The following CRYGD variants were observed in gnomAD, a reference collection of about 807,000 sequenced individuals.
CRYGD encodes the protein gamma-crystallin D.
CRYGD carries 13 observed loss-of-function variants against 11.3 expected under a neutral mutation model. That is an observed-to-expected ratio of 1.15 (90% confidence interval 0.75 to 1.83). CRYGD has a LOEUF of 1.83. Ranked by LOEUF, CRYGD falls within the 40% of genes most tolerant of loss-of-function variation. CRYGD has a pLI of 0.00. For synonymous variants in CRYGD, 77 were observed against 89.5 expected (o/e 0.86, Z 0.79); for missense variants, 231 against 229.9 (o/e 1.00, Z -0.03).
At chr2:208,123,472 A>G (rs1694913312) in intron 2 of CRYGD, among the ~76,000 whole-genome samples, 1 of 149,274 alleles carries the variant, frequency 6.7e-6, no homozygotes, top group Non-Finnish European at 1.5e-5. Flanking sequence ...AAAATATATT[A>G]AAATATAAAA....
In CRYGD at chr2:208,121,914, C is replaced by T. The variant is rs761284053; in HGVS notation, c.284G>A (p.Arg95Lys). Residue 95 changes from arginine to lysine, a missense_variant, in exon 3 of 3, where the codon AGA becomes AAA. Transcript: ENST00000264376. ...SGSHRIRLYE[R>K]EDYRGQMIEF... is the part of the protein sequence containing the mutation. ...TATCATCTGGCCTCTGTAGTCCTCT[C>T]TCTCATAGAGTCTGATCCTGTGAGA... 13 of 1,614,044 alleles carry T rather than the reference C, an allele frequency of 8.1e-6. No individual in the cohort carries two copies. The highest frequency in any genetic ancestry group is 2.7e-5 in the African/African-American group (2 of 74,920).
chr2:208,122,092 CT>C (rs1694876046), intron 2 of CRYGD, 147 bp from the exon 3 acceptor site: 1 of 1,156,596 alleles, frequency 8.6e-7, no homozygotes, highest in African/African-American at 1.5e-5. Flanking sequence ...TTATAAACTC[CT>C]CATTACCGAG....
chr2:208,121,801 G>A lies in CRYGD; in HGVS notation c.397C>T (p.Leu133Phe). 6.2e-7 allele frequency: 1 copy of A among 1,614,188 alleles called. No homozygotes were observed. The highest frequency in any genetic ancestry group is 2.2e-5 in the East Asian group (1 of 44,886). The change falls in exon 3 of 3, where the codon CTC (leucine) becomes TTC (phenylalanine). Residue 133 changes from leucine to phenylalanine, a missense_variant. By Grantham distance (22) the Leu-to-Phe change is conservative (BLOSUM62 0). Coordinates refer to ENST00000264376, the MANE Select transcript of CRYGD (RefSeq NM_006891.4). The stretch of plus-strand genomic sequence containing the variant: ...CCTCGGTAGTTGGACAGCTCGTAGA[G>A]GACCCAGGAGCCCTCCAGCACGTTG... ...SLNVLEGSWV[L>F]YELSNYRGRQ...
rs1694933681 is a variant in CRYGD at position 208,124,254 on chromosome 2, C to A, written c.110G>T (p.Arg37Leu). Reference sequence around the variant, plus strand: ...GAGCATCCAGCAGCCGCTGTCCACGCGCGCCGAGTTGCAGCGGCTCAAGTA... The same window carrying A: ...GAGCATCCAGCAGCCGCTGTCCACGAGCGCCGAGTTGCAGCGGCTCAAGTA... ...QPYLSRCNSA[R>L]VDSGCWMLYE... is the part of the protein sequence containing the mutation. The change falls in exon 2 of 3, where the codon CGC becomes CTC. Residue 37 changes from arginine (R) to leucine (L), a missense_variant. Physicochemically the swap from Arg to Leu is moderately radical, Grantham distance 102. Coordinates refer to ENST00000264376, the MANE Select transcript of CRYGD (RefSeq NM_006891.4). The A allele has an allele frequency of 6.2e-7, 1 of 1,612,344 alleles. No individual in the cohort carries two copies. Among genetic ancestry groups the A allele is most frequent in the Non-Finnish European group, 8.5e-7 (1 of 1,179,560 alleles).
At chr2:208,122,597 T>A (rs942938427) in intron 2 of CRYGD, among the ~76,000 whole-genome samples, 1 of 150,318 alleles carries the variant, frequency 6.7e-6, no homozygotes, top group Non-Finnish European at 1.5e-5. Context: ...GGGCAGTGGC[T>A]CATGCCTGTA....
At chr2:208,124,412 TG>T in intron 1 of CRYGD, 52 bp downstream of exon 1, 2 of 1,600,174 alleles carry the variant, frequency 1.2e-6, no homozygotes, top group South Asian at 2.2e-5. Flanking sequence ...CCCCAGTCTC[TG>T]GCCCCCGCGA....
chr2:208,122,406 A>G lies in CRYGD; in HGVS notation c.253-461T>C, dbSNP rs867844457. On this transcript the variant is annotated intron_variant, in intron 2 of 2. Transcript: ENST00000264376. The stretch of plus-strand genomic sequence containing the variant: ...ATATACTATATTTAAAATATATTAT[A>G]AAATGTATAAAATTATATTTTATTT... 9.4e-4 allele frequency among the ~76,000 whole-genome samples: 139 copies of G among 147,890 alleles called. 2 individuals carry two copies. In the Middle Eastern group the frequency reaches 0.011, roughly 12 times the overall value.
At chr2:208,123,363 A>G (rs1694910627) in intron 2 of CRYGD, among the ~76,000 whole-genome samples, 1 of 147,392 alleles carries the variant, frequency 6.8e-6, no homozygotes, top group African/African-American at 2.5e-5. Context: ...TTAAATGATA[A>G]TGCATCATTT....
intron 2 of CRYGD, among the ~76,000 whole-genome samples, chr2:208,122,847 C>T (rs942986863): frequency 1.4e-5 from 2 of 147,812 alleles, no homozygotes; most frequent in Non-Finnish European, 1.5e-5. Flanking sequence ...AGCAAGACTT[C>T]GTCAAAAAAA....
intron 2 of CRYGD, among the ~76,000 whole-genome samples, chr2:208,122,584 G>A (rs1349974332): frequency 6.7e-6 from 1 of 149,582 alleles, no homozygotes; most frequent in Non-Finnish European, 1.5e-5. Context: ...AATATAAGGG[G>A]TGGGGCAGTG....
At chr2:208,122,091 C>T (rs1433482597) in intron 2 of CRYGD, 146 bp from the exon 3 acceptor site, 3 of 1,165,002 alleles carry the variant, frequency 2.6e-6, no homozygotes, top group Non-Finnish European at 3.7e-6. Flanking sequence ...TTTATAAACT[C>T]CTCATTACCG....
In CRYGD at chr2:208,121,934, G is replaced by C. The variant is rs75156162; in HGVS notation, c.264C>G (p.His88Gln). The change falls in exon 3 of 3, where the codon CAC (histidine) becomes CAG (glutamine). Residue 88 changes from histidine to glutamine, a missense_variant. Coordinates refer to ENST00000264376, the MANE Select transcript of CRYGD (RefSeq NM_006891.4). ...CCTCTCTCTCATAGAGTCTGATCCT[G>C]TGAGAGCCAGACTGGCGGACCCAGA... ...SCRLIPHSGS[H>Q]RIRLYEREDY... 9.4e-4 allele frequency: 1,522 copies of C among 1,614,162 alleles called. 1 individual carries two copies. The highest frequency in any genetic ancestry group is 1.2e-3 in the Non-Finnish European group (1,431 of 1,180,024).
Position 208,124,458 on chromosome 2 carries a change from G to A in CRYGD, c.9+7C>T. 6.3e-7 allele frequency: 1 copy of A among 1,577,808 alleles called. No homozygotes were observed. The highest frequency in any genetic ancestry group is 8.6e-7 in the Non-Finnish European group (1 of 1,162,820). ...CTCCGGGGTCCCGGGGCGCAGGCTG[G>A]GCTCACCTTCCCCATGGCTGGCTGG... On this transcript the variant is annotated splice_region_variant and intron_variant, in intron 1 of 2. Coordinates refer to ENST00000264376, the MANE Select transcript of CRYGD (RefSeq NM_006891.4).
At position 208,124,234 on chromosome 2, in the gene CRYGD, T is replaced by A. The variant is rs61731517; in HGVS notation, c.130A>T (p.Met44Leu). 6 of 1,611,176 alleles carry A rather than the reference T, an allele frequency of 3.7e-6. No individual in the cohort carries two copies. Among genetic ancestry groups the A allele is most frequent in the Middle Eastern group, 1.8e-4 (1 of 5,556 alleles). ...GAGTAGTTGGGCTGCTCATAGAGCA[T>A]CCAGCAGCCGCTGTCCACGCGCGCC... The part of the protein sequence containing the change: ...NSARVDSGCW[M>L]LYEQPNYSGL... The change falls in exon 2 of 3, where the codon ATG becomes TTG. Residue 44 changes from methionine to leucine, a missense_variant. Met to Leu is a conservative substitution (Grantham distance 15). Coordinates refer to ENST00000264376, the MANE Select transcript of CRYGD (RefSeq NM_006891.4).
Position 208,124,297 on chromosome 2 carries a change from G to A in CRYGD, c.67C>T (p.His23Tyr). ...CTCAAGTAGGGCTGCAGGTTGGGGT[G>A]GTCGCTGCTGCATTCATAGTGGCGG... Reference protein sequence around the residue: ...QGRHYECSSDHPNLQPYLSRC... With the variant: ...QGRHYECSSDYPNLQPYLSRC... The change falls in exon 2 of 3, where the codon CAC becomes TAC. Residue 23 changes from histidine (H) to tyrosine (Y), a missense_variant. His to Tyr is a moderately conservative substitution (Grantham distance 83). Transcript: ENST00000264376. 1 of 1,610,910 alleles carries A rather than the reference G, an allele frequency of 6.2e-7. No homozygotes were observed. Among genetic ancestry groups the A allele is most frequent in the Non-Finnish European group, 8.5e-7 (1 of 1,178,910 alleles).
Position 208,121,691 on chromosome 2 carries a change from T to C in CRYGD, c.507A>G (p.Arg169=). 6.2e-7 allele frequency: 1 copy of C among 1,613,462 alleles called. No homozygotes were observed. Among genetic ancestry groups the C allele is most frequent in the Non-Finnish European group, 8.5e-7 (1 of 1,179,622 alleles). ...ATNARVGSLR[R]VIDFS ...ACATATTTCAGGAGAAATCTATGAC[T>C]CTCCTCAGAGAGCCCACTCTGGCAT... Residue 169 remains arginine (R), a synonymous_variant, in exon 3 of 3, where the codon AGA becomes AGG. Coordinates refer to ENST00000264376, the MANE Select transcript of CRYGD (RefSeq NM_006891.4).
rs948391521 is a variant in CRYGD at position 208,124,488 on chromosome 2, A to C, written c.-15T>G. On this transcript the variant is annotated 5_prime_UTR_variant, in exon 1 of 3. Transcript: ENST00000264376. ...ACCTTCCCCATGGCTGGCTGGGCGCACGGCGGTGCTGAGCTGGTGGGGCGG... is the reference window on the plus strand; with the variant it reads ...ACCTTCCCCATGGCTGGCTGGGCGCCCGGCGGTGCTGAGCTGGTGGGGCGG... 1.3e-5 allele frequency: 20 copies of C among 1,566,216 alleles called. No homozygotes were observed. The highest frequency in any genetic ancestry group is 1.6e-5 in the Non-Finnish European group (19 of 1,157,004).
In CRYGD at chr2:208,124,346, G is replaced by C. The variant is rs767642307; in HGVS notation, c.18C>G (p.Leu6=). The change falls in exon 2 of 3, where the codon CTC becomes CTG. Residue 6 remains leucine (L), a synonymous_variant. Coordinates refer to ENST00000264376, the MANE Select transcript of CRYGD (RefSeq NM_006891.4). MGKIT[L]YEDRGFQGRH... is the part of the protein sequence containing the mutation. ...GGCCCTGGAAGCCCCGGTCCTCGTA[G>C]AGGGTGATCTGCAAGGCAAGGCGGG... 2 of 1,611,520 alleles carry C rather than the reference G, an allele frequency of 1.2e-6. No homozygotes were observed. The highest frequency in any genetic ancestry group is 1.7e-6 in the Non-Finnish European group (2 of 1,179,364).
In CRYGD at chr2:208,121,753, C is replaced by T. The variant is rs781641424; in HGVS notation, c.445G>A (p.Gly149Arg). 4.6e-5 allele frequency: 75 copies of T among 1,614,058 alleles called. No homozygotes were observed. Among genetic ancestry groups the T allele is most frequent in the Non-Finnish European group, 6.2e-5 (73 of 1,180,052 alleles). ...CAGTCCTGGTAGCGCCTATAGTCCC[C>T]TGGCATCAGCAGGTACTGCCGTCCT... ...YRGRQYLLMPGDYRRYQDWGA... is the reference protein window; with the variant it reads ...YRGRQYLLMPRDYRRYQDWGA... Residue 149 changes from glycine to arginine, a missense_variant, in exon 3 of 3, where the codon GGG becomes AGG. Physicochemically the swap from Gly to Arg is moderately radical, Grantham distance 125 (BLOSUM62 -2). Transcript: ENST00000264376.
Sources: allele counts gnomAD v4.1 joint callset (sites outside exome capture counted in the v4.1 genomes callset), GRCh38; gene constraint gnomAD v4.1.1; transcripts MANE v1.5; gene names NCBI Gene and HGNC (gene_info 2026-07-23, HGNC 2026-07-21).